Variants in TLE1 observed in about 807,000 individuals in gnomAD.
TLE1 encodes the protein TLE family member 1, transcriptional corepressor.
Under a neutral mutation model 89.8 loss-of-function variants are expected in TLE1, and 21 were observed. The ratio of observed to expected loss-of-function variants is 0.23; its 90% CI spans 0.17 to 0.34. The LOEUF (loss-of-function observed/expected upper bound fraction) is 0.34, where lower values mean the gene tolerates loss of function less well. Among genes scored for constraint, TLE1 ranks in the 10% least tolerant of loss-of-function variants. The probability of loss-of-function intolerance (pLI) is 1.00; values close to 1 mark genes in which losing one functional copy is unlikely to be tolerated. For synonymous variants in TLE1, 447 were observed against 407.6 expected (o/e 1.10, Z -1.16); for missense variants, 795 against 1,031.2 (o/e 0.77, Z 3.14).
In TLE1 at chr9:81,646,711, T is replaced by TA. The variant is rs545363187; in HGVS notation, c.372+5502dup. On this transcript the variant is annotated intron_variant, in intron 6 of 19. Coordinates refer to ENST00000376499, the MANE Select transcript of TLE1 (RefSeq NM_005077.5). ...GCAAGAGTGGAGAGCCCTTTAGGTCTACAACTCAATCTCTTAGGGATAGAC... is the reference window on the plus strand; with the variant it reads ...GCAAGAGTGGAGAGCCCTTTAGGTCTAACAACTCAATCTCTTAGGGATAGAC... 3.5e-4 allele frequency among the ~76,000 whole-genome samples: 53 copies of TA among 152,346 alleles called. 1 individual carries two copies. In the South Asian group the frequency reaches 0.011, roughly 32 times the overall value.
intron 4 of TLE1, among the ~76,000 whole-genome samples, chr9:81,684,441 CA>C (rs1313896135): frequency 1.3e-5 from 2 of 152,164 alleles, no homozygotes; most frequent in Non-Finnish European, 2.9e-5. Flanking sequence ...AATCTGAGAA[CA>C]GATCTAATGT....
chr9:81,584,368 C>T lies in TLE1; in HGVS notation c.2206-63G>A, dbSNP rs1210722193. 5.6e-6 allele frequency: 9 copies of T among 1,608,326 alleles called. No homozygotes were observed. In the Admixed American group the frequency reaches 1.5e-4, roughly 27 times the overall value. ...ACAACGGTACTCAGAGGCCCTGCTC[C>T]CTCGGAGGCACCTTCACTCCTGGCT... On this transcript the variant is annotated intron_variant, in intron 19 of 19. Transcript: ENST00000376499.
intron 6 of TLE1, among the ~76,000 whole-genome samples, chr9:81,649,953 G>A (rs1348291020): frequency 6.6e-6 from 1 of 152,148 alleles, no homozygotes; most frequent in Admixed American, 6.5e-5. Context: ...CTTGAAAAGA[G>A]CCTTCGGACA....
chr9:81,666,388 G>C (rs1211179080), intron 4 of TLE1, among the ~76,000 whole-genome samples: 2 of 152,044 alleles, frequency 1.3e-5, no homozygotes, highest in Admixed American at 1.3e-4. Flanking sequence ...AAGAAATTAG[G>C]TAATACCACA....
chr9:81,646,308 G>A (rs1828856470), intron 6 of TLE1, among the ~76,000 whole-genome samples: 2 of 152,042 alleles, frequency 1.3e-5, no homozygotes, highest in Admixed American at 6.6e-5. Flanking sequence ...AAGGAGAAAC[G>A]GACTGCGAAG....
At chr9:81,644,720 G>A (rs781702678) in intron 6 of TLE1, among the ~76,000 whole-genome samples, 2 of 152,148 alleles carry the variant, frequency 1.3e-5, no homozygotes, top group Non-Finnish European at 2.9e-5. Flanking sequence ...TTGGCCAGGT[G>A]CAGTGACTCA....
At position 81,585,566 on chromosome 9, in the gene TLE1, A is replaced by T. The variant is rs761998220; in HGVS notation, c.2067T>A (p.Pro689=). ...CATGCAGGTGCAGCTGGTACTTGTCAGGCTTGTTCACGTGCAGCACCTCCA... is the reference window on the plus strand; with the variant it reads ...CATGCAGGTGCAGCTGGTACTTGTCTGGCTTGTTCACGTGCAGCACCTCCA... ...SNVEVLHVNK[P]DKYQLHLHES... The change falls in exon 18 of 20, where the codon CCT becomes CCA. Residue 689 remains proline, a synonymous_variant. Transcript: ENST00000376499. 15 of 1,614,072 alleles carry T rather than the reference A, an allele frequency of 9.3e-6. No homozygotes were observed. Among genetic ancestry groups the T allele is most frequent in the Non-Finnish European group, 1.3e-5 (15 of 1,180,040 alleles).
intron 5 of TLE1, 79 bp from the exon 6 acceptor site, chr9:81,652,367 G>T: frequency 1.6e-6 from 2 of 1,253,772 alleles, no homozygotes; most frequent in Non-Finnish European, 2.3e-6. Context: ...AAAGTCAAAT[G>T]CTGTGTGCAA....
chr9:81,586,975 T>C (rs1828563318), intron 17 of TLE1, among the ~76,000 whole-genome samples: 1 of 152,230 alleles, frequency 6.6e-6, no homozygotes, highest in African/African-American at 2.4e-5. Context: ...AAAAAATAAA[T>C]GCCAAGTCAT....
At chr9:81,637,114 T>C (rs865858496) in intron 6 of TLE1, among the ~76,000 whole-genome samples, 2 of 151,992 alleles carry the variant, frequency 1.3e-5, no homozygotes, top group Admixed American at 6.5e-5. Flanking sequence ...TCCCAGCACT[T>C]TGGGAGGCTG....
chr9:81,606,109 A>C (rs1460469986), intron 14 of TLE1, among the ~76,000 whole-genome samples: 1 of 152,222 alleles, frequency 6.6e-6, no homozygotes, highest in Non-Finnish European at 1.5e-5. Context: ...ATCATTAAAA[A>C]GTCAGGAGAC....
At chr9:81,661,178 AT>A (rs1237794570) in intron 4 of TLE1, among the ~76,000 whole-genome samples, 1 of 126,284 alleles carries the variant, frequency 7.9e-6, no homozygotes, top group Admixed American at 9.4e-5. Flanking sequence ...ATATTTATAT[AT>A]ATGTATTTTT....
intron 5 of TLE1, among the ~76,000 whole-genome samples, chr9:81,652,856 T>A (rs1661017400): frequency 6.6e-6 from 1 of 152,202 alleles, no homozygotes; most frequent in African/African-American, 2.4e-5. Flanking sequence ...TGATCACTTG[T>A]CTGATCAACC....
chr9:81,615,475 G>T (rs1362779470), intron 11 of TLE1, among the ~76,000 whole-genome samples: 2 of 150,530 alleles, frequency 1.3e-5, no homozygotes, highest in African/African-American at 4.9e-5. Flanking sequence ...TGAGGCGGGT[G>T]GATCAAAGAG....
At chr9:81,656,687 A>T (rs1383955740) in intron 4 of TLE1, among the ~76,000 whole-genome samples, 1 of 152,204 alleles carries the variant, frequency 6.6e-6, no homozygotes, top group Non-Finnish European at 1.5e-5. Flanking sequence ...TTGTTAATCA[A>T]ACATGTGTCA....
At chr9:81,683,345 A>G (rs1342391990) in intron 4 of TLE1, among the ~76,000 whole-genome samples, 4 of 151,816 alleles carry the variant, frequency 2.6e-5, no homozygotes, top group African/African-American at 9.7e-5. Context: ...GCCTGTCAGG[A>G]GTCTCGCTAA....
rs78471932 is a variant in TLE1 at position 81,620,762 on chromosome 9, C to G, written c.595-205G>C. On this transcript the variant is annotated intron_variant, in intron 8 of 19. Coordinates refer to ENST00000376499, the MANE Select transcript of TLE1 (RefSeq NM_005077.5). ...GGGAGACCCTGACTTTGCAATCAAA[C>G]CATCCAAAGCTAGGTGGATTCTTCA... 9.1e-6 allele frequency: 9 copies of G among 984,704 alleles called. No homozygotes were observed. In the East Asian group the frequency reaches 1.0e-3, roughly 112 times the overall value. The allele number at this position is 984,704 out of a possible 1,614,324, so 61.0% of individuals were successfully genotyped here.
chr9:81,584,969 T>TCCACCCAC (rs1165715065), intron 18 of TLE1, among the ~76,000 whole-genome samples: 1 of 147,994 alleles, frequency 6.8e-6, no homozygotes, highest in South Asian at 2.1e-4. Flanking sequence ...CATCCACCCA[T>TCCACCCAC]CCATCCATCC....
rs200896348 is a variant in TLE1, at chr9:81,587,695, C to T, written c.1963G>A (p.Asp655Asn). 88 of 1,612,380 alleles carry T rather than the reference C, an allele frequency of 5.5e-5. 1 individual carries two copies. The Admixed American group carries it at 1.0e-3, about 18-fold the overall frequency. ...LREGRQLQQH[D>N]FTSQIFSLGY... Reference sequence around the variant, plus strand: ...CACTCAGTCACCTGGGAGGTGAAGTCGTGCTGCTGCAGCTGCCGCCCCTCG... The same window carrying T: ...CACTCAGTCACCTGGGAGGTGAAGTTGTGCTGCTGCAGCTGCCGCCCCTCG... The change falls in exon 17 of 20, where the codon GAC becomes AAC. Residue 655 changes from aspartate to asparagine, a missense_variant. This residue lies in a region of TLE1 where 214 missense variants were observed against 354.9 expected (regional missense o/e 0.60). Transcript: ENST00000376499.
Sources: allele counts gnomAD v4.1 joint callset (sites outside exome capture counted in the v4.1 genomes callset), GRCh38; gene constraint gnomAD v4.1.1; regional missense constraint gnomAD v4.1.1; transcripts MANE v1.5; gene names NCBI Gene and HGNC (gene_info 2026-07-23, HGNC 2026-07-21).